The following ALDH9A1 variants were observed in gnomAD, a reference collection of about 807,000 sequenced individuals.
The protein encoded by ALDH9A1 is 4-trimethylaminobutyraldehyde dehydrogenase.
A neutral mutation model predicts 56.6 loss-of-function variants in ALDH9A1; 42 were observed. The ratio of observed to expected loss-of-function variants is 0.74; its 90% CI spans 0.58 to 0.96. The LOEUF is 0.96. Among genes scored for constraint, ALDH9A1 ranks in the 40% least tolerant of loss-of-function variants. The pLI is 0.00. For synonymous variants in ALDH9A1, 242 were observed against 236.0 expected (o/e 1.03, Z -0.23); for missense variants, 661 against 651.5 (o/e 1.01, Z -0.16).
rs549354876 is a variant in ALDH9A1 at position 165,682,245 on chromosome 1, T to C, written c.458-4A>G. 7 of 1,612,812 alleles carry C rather than the reference T, an allele frequency of 4.3e-6. 1 individual carries two copies. Among genetic ancestry groups the C allele is most frequent in the Non-Finnish European group, 5.9e-6 (7 of 1,179,654 alleles). ...CCTGGGAGCTGGATGTGTTCACCTATGGGGAAAACAGGAGTAAAGGAGGAT... is the reference window on the plus strand; with the variant it reads ...CCTGGGAGCTGGATGTGTTCACCTACGGGGAAAACAGGAGTAAAGGAGGAT... On this transcript the variant is annotated splice_region_variant and splice_polypyrimidine_tract_variant and intron_variant, in intron 3 of 10. Coordinates refer to ENST00000354775, the MANE Select transcript of ALDH9A1 (RefSeq NM_000696.4).
chr1:165,670,633 C>T (rs186057431), intron 6 of ALDH9A1, among the ~76,000 whole-genome samples: 1 of 152,278 alleles, frequency 6.6e-6, no homozygotes, highest in East Asian at 1.9e-4. Context: ...TTATTTGCAA[C>T]ATTTACCTCA....
rs372002782 is a variant in ALDH9A1, at chr1:165,683,107, G to A, written c.331C>T (p.Arg111Trp). The change falls in exon 3 of 11, where the codon CGG (arginine) becomes TGG (tryptophan). Residue 111 changes from arginine to tryptophan, a missense_variant. Coordinates refer to ENST00000354775, the MANE Select transcript of ALDH9A1 (RefSeq NM_000696.4). ...TCCATAGTAGCAATTTCATCCTCCC[G>A]TTCCTTTGGGTAAAGCAGAAGACTA... ...LLEAARIIRE[R>W]EDEIATMECI... 90 of 1,613,552 alleles carry A rather than the reference G, an allele frequency of 5.6e-5. No homozygotes were observed. Among genetic ancestry groups the A allele is most frequent in the Middle Eastern group, 1.6e-4 (1 of 6,080 alleles).
intron 1 of ALDH9A1, 30 bp from the exon 2 acceptor site, chr1:165,695,427 T>C (rs747148095): frequency 6.5e-7 from 1 of 1,547,406 alleles, no homozygotes; most frequent in African/African-American, 1.4e-5. Flanking sequence ...CAGTTTTAAC[T>C]CAAATTGTTG....
Position 165,679,599 on chromosome 1 carries a change from A to C in ALDH9A1, c.790-17T>G. 6.2e-7 allele frequency: 1 copy of C among 1,614,118 alleles called. No homozygotes were observed. The highest frequency in any genetic ancestry group is 8.5e-7 in the Non-Finnish European group (1 of 1,179,978). Reference sequence around the variant, plus strand: ...CTCCATGATCTTGCAGAACAAGGACAAGGTATTCAGAACTTTAACACAAAT... The same window carrying C: ...CTCCATGATCTTGCAGAACAAGGACCAGGTATTCAGAACTTTAACACAAAT... On this transcript the variant is annotated splice_polypyrimidine_tract_variant and intron_variant, in intron 5 of 10. Coordinates refer to ENST00000354775, the MANE Select transcript of ALDH9A1 (RefSeq NM_000696.4).
In ALDH9A1 at chr1:165,662,503, C is replaced by T. The variant is rs1648872889; in HGVS notation, c.*547G>A. 2 of 152,594 alleles carry T rather than the reference C, an allele frequency of 1.3e-5. No individual in the cohort carries two copies. Among genetic ancestry groups the T allele is most frequent in the African/African-American group, 4.8e-5 (2 of 41,446 alleles). 9.5% of individuals were successfully genotyped at this position (152,594 alleles called of 1,614,324 possible). ...AAGGGGATATAGCTTAAAAAAATGT[C>T]AATGAGCTGAAATCATCTCTACTGA... is the stretch of plus-strand genomic sequence containing the variant. On this transcript the variant is annotated 3_prime_UTR_variant, in exon 11 of 11. Coordinates refer to ENST00000354775, the MANE Select transcript of ALDH9A1 (RefSeq NM_000696.4).
At chr1:165,697,534 A>G (rs1212112938) in intron 1 of ALDH9A1, among the ~76,000 whole-genome samples, 1 of 152,154 alleles carries the variant, frequency 6.6e-6, no homozygotes, top group Non-Finnish European at 1.5e-5. Flanking sequence ...TCCTTTCCCA[A>G]TTCTGATTAA....
At chr1:165,664,774 A>G (rs1021634689) in intron 10 of ALDH9A1, among the ~76,000 whole-genome samples, 4 of 152,208 alleles carry the variant, frequency 2.6e-5, no homozygotes, top group Admixed American at 6.5e-5. Context: ...GATATCTATC[A>G]GCAGTTCACA....
intron 2 of ALDH9A1, among the ~76,000 whole-genome samples, chr1:165,693,707 A>G (rs1269561278): frequency 7.9e-5 from 12 of 152,210 alleles, no homozygotes; most frequent in Non-Finnish European, 1.0e-4. Context: ...CAGCCATCCC[A>G]TTACTGGGTA....
intron 6 of ALDH9A1, among the ~76,000 whole-genome samples, chr1:165,670,186 A>C (rs889459505): frequency 2.0e-5 from 3 of 152,212 alleles, no homozygotes; most frequent in African/African-American, 7.2e-5. Flanking sequence ...TAATCCCAGC[A>C]CTTTGGGAGG....
In ALDH9A1 at chr1:165,693,148, G is replaced by A. The variant is rs539537330; in HGVS notation, c.327+2104C>T. On this transcript the variant is annotated intron_variant, in intron 2 of 10. Transcript: ENST00000354775. Reference sequence around the variant, plus strand: ...CCTAGGCAATACCATTCAGGACACAGGCATGGGCAAGGACTTCATGACTAA... The same window carrying A: ...CCTAGGCAATACCATTCAGGACACAAGCATGGGCAAGGACTTCATGACTAA... Among the ~76,000 whole-genome samples, 33 of 152,290 alleles carry A rather than the reference G, an allele frequency of 2.2e-4. No homozygotes were observed. The South Asian group carries it at 6.6e-3, about 31-fold the overall frequency.
At chr1:165,697,668 G>A (rs752128040) in intron 1 of ALDH9A1, among the ~76,000 whole-genome samples, 1 of 152,038 alleles carries the variant, frequency 6.6e-6, no homozygotes, top group East Asian at 1.9e-4. Flanking sequence ...ACCCCGCCCC[G>A]TTCTTTTAGA....
rs1241675679 is a variant in ALDH9A1, at chr1:165,662,346, A to G, written c.*704T>C. 6.6e-6 allele frequency: 1 copy of G among 152,296 alleles called. No homozygotes were observed. Among genetic ancestry groups the G allele is most frequent in the Non-Finnish European group, 1.5e-5 (1 of 68,080 alleles). 9.4% of individuals were successfully genotyped at this position (152,296 alleles called of 1,614,324 possible). On this transcript the variant is annotated 3_prime_UTR_variant, in exon 11 of 11. Coordinates refer to ENST00000354775, the MANE Select transcript of ALDH9A1 (RefSeq NM_000696.4). Reference sequence around the variant, plus strand: ...GTTCAAGGACCCAAGATAGGGAGATAGATTTCCTCTATCGCAGTAGTGAAC... The same window carrying G: ...GTTCAAGGACCCAAGATAGGGAGATGGATTTCCTCTATCGCAGTAGTGAAC...
intron 2 of ALDH9A1, among the ~76,000 whole-genome samples, chr1:165,692,374 T>A (rs1323157129): frequency 1.3e-5 from 2 of 152,218 alleles, no homozygotes; most frequent in African/African-American, 4.8e-5. Flanking sequence ...AGTCTCAAGA[T>A]ACAAAATCAA....
At chr1:165,679,311 G>A in intron 6 of ALDH9A1, 131 bp downstream of exon 6, 1 of 987,820 alleles carries the variant, frequency 1.0e-6, no homozygotes, top group Non-Finnish European at 1.5e-6. Flanking sequence ...AAGGTACATG[G>A]GAATTCTTTG....
chr1:165,669,554 A>G (rs1649112949), intron 6 of ALDH9A1, 104 bp from the exon 7 acceptor site: 7 of 1,011,208 alleles, frequency 6.9e-6, no homozygotes, highest in Non-Finnish European at 9.7e-6. Flanking sequence ...AAGAGACACT[A>G]TACATTTTTT....
chr1:165,698,438 C>A lies in ALDH9A1; in HGVS notation c.121G>T (p.Gly41Trp), dbSNP rs868688669. The A allele has an allele frequency of 1.2e-6, 2 of 1,606,500 alleles. No individual in the cohort carries two copies. The highest frequency in any genetic ancestry group is 1.1e-5 in the South Asian group (1 of 90,246). The change falls in exon 1 of 11, where the codon GGG (glycine) becomes TGG (tryptophan). Residue 41 changes from glycine to tryptophan, a missense_variant. By Grantham distance (184) the Gly-to-Trp change is radical (BLOSUM62 -2). Coordinates refer to ENST00000354775, the MANE Select transcript of ALDH9A1 (RefSeq NM_000696.4). ...GCGTCCGCCGGCTCCACGCGGGCCC[C>A]GCCGCGGTAATTGAGCGGCTGCGAC... is the stretch of plus-strand genomic sequence containing the variant. ...VVSQPLNYRG[G>W]ARVEPADASG...
rs146281282 is a variant in ALDH9A1, at chr1:165,676,734, C to T, written c.930+2708G>A. The T allele has an allele frequency of 1.2e-3, 592 of 505,062 alleles. 10 individuals are homozygous for T. The East Asian group carries it at 0.032, about 28-fold the overall frequency. The allele number at this position is 505,062 out of a possible 1,614,324, so 31.3% of individuals were successfully genotyped here. A position where few individuals can be genotyped will look rare whatever the true frequency, so the allele number is the denominator to read the frequency against. On this transcript the variant is annotated intron_variant, in intron 6 of 10. Transcript: ENST00000354775. ...GGGAATCCCACTGTGTGAGAACCAA[C>T]GGGAAGGAGCCTGAGCTGCTGGAAC...
intron 2 of ALDH9A1, among the ~76,000 whole-genome samples, chr1:165,683,870 G>A (rs4646891): frequency 0.67 from 102,634 of 152,054 alleles, 35,037 homozygotes; most frequent in East Asian, 0.98. Flanking sequence ...TGGTCTAAAG[G>A]ACATAAAAGA....
Position 165,698,451 on chromosome 1 carries a change from GA to G in ALDH9A1, c.107del (p.Leu36ProfsTer28). 1 of 1,606,806 alleles carries G rather than the reference GA, an allele frequency of 6.2e-7. No homozygotes were observed. The highest frequency in any genetic ancestry group is 8.5e-7 in the Non-Finnish European group (1 of 1,177,190). ...CCACGCGGGCCCCGCCGCGGTAATTGAGCGGCTGCGACACGACGAAGGTGCC... is the reference window on the plus strand; with the variant it reads ...CCACGCGGGCCCCGCCGCGGTAATTGGCGGCTGCGACACGACGAAGGTGCC... The part of the protein sequence containing the change: ...STGTFVVSQP[L>X]NYRGGARVEP... On this transcript the variant is annotated frameshift_variant, in exon 1 of 11. Transcript: ENST00000354775. LOFTEE classifies it high-confidence loss of function.
Sources: allele counts gnomAD v4.1 joint callset (sites outside exome capture counted in the v4.1 genomes callset), GRCh38; gene constraint gnomAD v4.1.1; transcripts MANE v1.5; gene names NCBI Gene and HGNC (gene_info 2026-07-23, HGNC 2026-07-21).